The following CTNNA2 variants were observed in gnomAD, a reference collection of about 807,000 sequenced individuals.
The protein encoded by CTNNA2 is catenin alpha-2.
Under a neutral mutation model 101.0 loss-of-function variants are expected in CTNNA2, and 42 were observed. The observed-to-expected ratio is 0.42, with a 90% CI of 0.32 to 0.54. The LOEUF (loss-of-function observed/expected upper bound fraction) is 0.54, where lower values mean the gene tolerates loss of function less well. Ranked by LOEUF, CTNNA2 falls within the 20% of genes least tolerant of loss-of-function variation. CTNNA2 has a pLI of 0.14. For synonymous variants in CTNNA2, 450 were observed against 456.4 expected, an observed-to-expected ratio of 0.99 and a Z score of 0.18; for missense variants, 871 against 1,223.1, an observed-to-expected ratio of 0.71 and a Z score of 4.29.
chr2:80,261,044 T>G (rs1672567426), intron 7 of CTNNA2, among the ~76,000 whole-genome samples: 2 of 152,204 alleles, frequency 1.3e-5, no homozygotes, highest in Admixed American at 1.3e-4. Flanking sequence ...ATAGTCAGAC[T>G]CTGCACGGTT....
At position 79,330,415 on chromosome 2, in the gene CTNNA2, GTGAAACTCACGGGACT is replaced by G. The variant is rs1676844872; in HGVS notation, c.-318+17620_-318+17635del. On this transcript the variant is annotated intron_variant, in intron 3 of 21. Coordinates refer to the CTNNA2 transcript ENST00000466387. ...AGGACAGTATAACTGTCAGTCCTGA[GTGAAACTCACGGGACT>G]CAACACCACCTCCTCTCTGGGTGGA... Among the ~76,000 whole-genome samples, 4 of 152,150 alleles carry G rather than the reference GTGAAACTCACGGGACT, an allele frequency of 2.6e-5. No individual in the cohort carries two copies. The South Asian group carries it at 8.3e-4, about 32-fold the overall frequency.
chr2:80,472,009 C>T (rs1685346486), intron 9 of CTNNA2, among the ~76,000 whole-genome samples: 1 of 152,030 alleles, frequency 6.6e-6, no homozygotes, highest in Admixed American at 6.6e-5. Context: ...GCCTGTAATC[C>T]CAGCTACTCG....
chr2:79,437,426 C>T lies in CTNNA2; in HGVS notation c.-135+63413C>T, dbSNP rs538638315. Among the ~76,000 whole-genome samples the T allele has an allele frequency of 1.6e-4, 24 of 152,288 alleles. No individual in the cohort carries two copies. The East Asian group carries it at 4.5e-3, about 28-fold the overall frequency. On this transcript the variant is annotated intron_variant, in intron 4 of 21. Transcript: ENST00000466387. The stretch of plus-strand genomic sequence containing the variant: ...TCACAGCTCCCAGGTGCTGCCGATT[C>T]TGCTGGCCCACGCACCACATTTTGA...
chr2:80,609,223 A>G (rs997638495), intron 17 of CTNNA2, among the ~76,000 whole-genome samples: 3 of 151,808 alleles, frequency 2.0e-5, no homozygotes, highest in African/African-American at 7.3e-5. Flanking sequence ...TGAAAATCAG[A>G]CTAGTCACAA....
intron 2 of CTNNA2, among the ~76,000 whole-genome samples, chr2:79,689,134 TG>T (rs1278596933): frequency 6.6e-6 from 1 of 151,710 alleles, no homozygotes; most frequent in Non-Finnish European, 1.5e-5. Context: ...TTGTCTTATT[TG>T]GGATTCCTCA....
rs562115181 is a variant in CTNNA2, at chr2:80,529,383, CTA to C, written c.1291-15597_1291-15596del. Among the ~76,000 whole-genome samples, 403 of 152,220 alleles carry C rather than the reference CTA, an allele frequency of 2.6e-3. 2 individuals carry two copies. Among genetic ancestry groups the C allele is most frequent in the African/African-American group, 9.2e-3 (380 of 41,512 alleles). ...ACTAAATACCAATGGAAAAGTATAT[CTA>C]TGTGTACATAATCTGTTGTGAAATA... On this transcript the variant is annotated intron_variant, in intron 9 of 18. Coordinates refer to ENST00000402739, the MANE Select transcript of CTNNA2 (RefSeq NM_001282597.3).
chr2:80,297,668 G>A (rs1402626416), intron 7 of CTNNA2, among the ~76,000 whole-genome samples: 1 of 151,962 alleles, frequency 6.6e-6, no homozygotes, highest in African/African-American at 2.4e-5. Context: ...TACTTTAATG[G>A]AAAAATACTG....
chr2:80,333,146 A>C (rs1671485566), intron 7 of CTNNA2, among the ~76,000 whole-genome samples: 2 of 152,140 alleles, frequency 1.3e-5, no homozygotes, highest in Admixed American at 1.3e-4. Context: ...TTACAGGAAA[A>C]GTTTTCGGAT....
rs1481125292 is a variant in CTNNA2 at position 79,539,355 on chromosome 2, G to T, written c.-6+26148G>T. Reference sequence around the variant, plus strand: ...AGAAAGTGTGAAAGGCCTCGAGAAGGCCATTGGAAATGCTGGAGGTGATAG... The same window carrying T: ...AGAAAGTGTGAAAGGCCTCGAGAAGTCCATTGGAAATGCTGGAGGTGATAG... On this transcript the variant is annotated intron_variant, in intron 1 of 18. Transcript: ENST00000402739. Among the ~76,000 whole-genome samples the T allele has an allele frequency of 3.3e-5, 5 of 152,272 alleles. No individual in the cohort carries two copies. In the South Asian group the frequency reaches 8.3e-4, roughly 25 times the overall value.
intron 3 of CTNNA2, among the ~76,000 whole-genome samples, chr2:79,753,537 C>A (rs1320603787): frequency 6.6e-6 from 1 of 152,138 alleles, no homozygotes; most frequent in Admixed American, 6.5e-5. Flanking sequence ...TGCCTTCGTT[C>A]GACAACAGCA....
intron 4 of CTNNA2, among the ~76,000 whole-genome samples, chr2:79,402,888 G>T (rs955536226): frequency 6.6e-6 from 1 of 151,714 alleles, no homozygotes; most frequent in African/African-American, 2.4e-5. Flanking sequence ...AAAAGAAATT[G>T]CTTAAATGAT....
intron 7 of CTNNA2, among the ~76,000 whole-genome samples, chr2:80,323,728 A>G (rs893927288): frequency 6.6e-6 from 1 of 151,926 alleles, no homozygotes; most frequent in African/African-American, 2.4e-5. Flanking sequence ...TTTTAGCACC[A>G]TGAATATCAG....
At chr2:79,876,144 A>G (rs1683009072) in intron 6 of CTNNA2, among the ~76,000 whole-genome samples, 1 of 152,144 alleles carries the variant, frequency 6.6e-6, no homozygotes, top group Non-Finnish European at 1.5e-5. Context: ...AGTTTTCATA[A>G]TGTTGAAGCA....
intron 14 of CTNNA2, chr2:80,586,206 G>A (rs1246806716): frequency 1.3e-5 from 2 of 152,264 alleles, no homozygotes; most frequent in Middle Eastern, 3.4e-3. Flanking sequence ...GGCATTAATA[G>A]GAATTAATTA....
chr2:79,248,853 G>C (rs749257862), intron 2 of CTNNA2, among the ~76,000 whole-genome samples: 4 of 152,148 alleles, frequency 2.6e-5, no homozygotes, highest in Non-Finnish European at 5.9e-5. Flanking sequence ...CTTAACCCCA[G>C]GCTTTTCCCT....
intron 7 of CTNNA2, among the ~76,000 whole-genome samples, chr2:80,211,533 G>A (rs1707891369): frequency 6.6e-6 from 1 of 152,130 alleles, no homozygotes; most frequent in African/African-American, 2.4e-5. Context: ...TTGTAGATGT[G>A]TAGTATTATT....
At chr2:80,327,819 A>AT (rs1670952049) in intron 7 of CTNNA2, among the ~76,000 whole-genome samples, 1 of 152,250 alleles carries the variant, frequency 6.6e-6, no homozygotes, top group Non-Finnish European at 1.5e-5. Context: ...TTGACTTTAG[A>AT]TATAACATAT....
intron 1 of CTNNA2, among the ~76,000 whole-genome samples, chr2:79,565,133 G>A (rs773119936): frequency 2.0e-5 from 3 of 152,080 alleles, no homozygotes; most frequent in East Asian, 1.9e-4. Context: ...TGGTCTGGTG[G>A]TGGTGGTGTT....
In CTNNA2 at chr2:79,295,779, A is replaced by G. The variant is rs141829281; in HGVS notation, c.-405-16930A>G. Reference sequence around the variant, plus strand: ...TATCCTATTTTACCAGTTCTTTAGGACATCCTCTCAAGGAACTCTTTCTTC... The same window carrying G: ...TATCCTATTTTACCAGTTCTTTAGGGCATCCTCTCAAGGAACTCTTTCTTC... On this transcript the variant is annotated intron_variant, in intron 2 of 21. Coordinates refer to the CTNNA2 transcript ENST00000466387. Among the ~76,000 whole-genome samples, 544 of 152,212 alleles carry G rather than the reference A, an allele frequency of 3.6e-3. 17 individuals carry two copies. The East Asian group carries it at 0.052, about 15-fold the overall frequency.
Sources: allele counts gnomAD v4.1 joint callset (sites outside exome capture counted in the v4.1 genomes callset), GRCh38; gene constraint gnomAD v4.1.1; transcripts MANE v1.5; gene names NCBI Gene and HGNC (gene_info 2026-07-23, HGNC 2026-07-21).